ADGRB3: variants seen among roughly 807,000 people sequenced by gnomAD.
ADGRB3 encodes the protein adhesion G protein-coupled receptor B3.
Under a neutral mutation model 193.4 loss-of-function variants are expected in ADGRB3, and 37 were observed. The observed-to-expected ratio is 0.19, with a 90% CI of 0.15 to 0.25. ADGRB3 has a LOEUF of 0.25. Among genes scored for constraint, ADGRB3 ranks in the 10% least tolerant of loss-of-function variants. The pLI is 1.00. For synonymous variants in ADGRB3, 690 were observed against 644.2 expected, an observed-to-expected ratio of 1.07 and a Z score of -1.08; for missense variants, 1,637 against 1,852.9, an observed-to-expected ratio of 0.88 and a Z score of 2.14.
chr6:69,094,022 G>A (rs1772793382), intron 17 of ADGRB3, among the ~76,000 whole-genome samples: 1 of 152,188 alleles, frequency 6.6e-6, no homozygotes, highest in Non-Finnish European at 1.5e-5. Context: ...CTGCAGGCTG[G>A]AAACTGTACT....
chr6:68,842,184 A>T (rs1229761494), intron 3 of ADGRB3, among the ~76,000 whole-genome samples: 2 of 151,966 alleles, frequency 1.3e-5, no homozygotes, highest in African/African-American at 4.8e-5. Context: ...AAAAATTTAA[A>T]AATTAATTAA....
At chr6:68,647,137 T>G (rs1768234884) in intron 3 of ADGRB3, among the ~76,000 whole-genome samples, 1 of 152,196 alleles carries the variant, frequency 6.6e-6, no homozygotes, top group African/African-American at 2.4e-5. Context: ...CCTGCATACA[T>G]TAAGCATGGA....
At chr6:69,171,905 C>G (rs895647629) in intron 17 of ADGRB3, among the ~76,000 whole-genome samples, 11 of 152,142 alleles carry the variant, frequency 7.2e-5, no homozygotes, top group African/African-American at 2.7e-4. Flanking sequence ...AAAATAAGTA[C>G]CTCATTTCCC....
At chr6:69,050,750 A>G (rs896274271) in intron 15 of ADGRB3, among the ~76,000 whole-genome samples, 29 of 152,354 alleles carry the variant, frequency 1.9e-4, no homozygotes, top group African/African-American at 7.0e-4. Flanking sequence ...TCAATTAAAC[A>G]TGTTGAGAAT....
At chr6:69,193,677 A>G (rs912305591) in intron 17 of ADGRB3, among the ~76,000 whole-genome samples, 21 of 152,096 alleles carry the variant, frequency 1.4e-4, no homozygotes, top group African/African-American at 5.1e-4. Context: ...CACTAGCTGT[A>G]TGACCTTTGG....
At chr6:69,156,732 T>C (rs1169200196) in intron 17 of ADGRB3, among the ~76,000 whole-genome samples, 2 of 152,198 alleles carry the variant, frequency 1.3e-5, no homozygotes, top group Non-Finnish European at 2.9e-5. Flanking sequence ...TCCAATGTTG[T>C]TATGAAAATA....
At chr6:68,848,458 A>C (rs547675995) in intron 3 of ADGRB3, among the ~76,000 whole-genome samples, 1 of 152,174 alleles carries the variant, frequency 6.6e-6, no homozygotes, top group African/African-American at 2.4e-5. Flanking sequence ...TGAGCTTTTA[A>C]TTAACATACT....
chr6:69,238,753 T>TAC (rs1195938942), intron 19 of ADGRB3, among the ~76,000 whole-genome samples: 1 of 151,646 alleles, frequency 6.6e-6, no homozygotes, highest in Non-Finnish European at 1.5e-5. Context: ...CATACACACA[T>TAC]ACACACACAC....
At position 69,388,699 on chromosome 6, in the gene ADGRB3, A is replaced by G. The variant is rs2127245566; in HGVS notation, c.4381-4A>G. On this transcript the variant is annotated splice_polypyrimidine_tract_variant and splice_region_variant and intron_variant, in intron 31 of 31. Coordinates refer to ENST00000370598, the MANE Select transcript of ADGRB3 (RefSeq NM_001704.3). ...ATGACTCTCTTTCCCTCTCTTCTCA[A>G]CAGGAAAACCCCGCACCAAACAAGA... 1 of 1,611,154 alleles carries G rather than the reference A, an allele frequency of 6.2e-7. No homozygotes were observed. Among genetic ancestry groups the G allele is most frequent in the African/African-American group, 1.3e-5 (1 of 74,888 alleles).
intron 3 of ADGRB3, among the ~76,000 whole-genome samples, chr6:68,862,539 G>A (rs1223154018): frequency 6.6e-6 from 1 of 152,132 alleles, no homozygotes; most frequent in African/African-American, 2.4e-5. Flanking sequence ...TTACAGAGTT[G>A]GGGTCAGGGG....
intron 3 of ADGRB3, among the ~76,000 whole-genome samples, chr6:68,684,113 T>C (rs1055789939): frequency 1.3e-5 from 2 of 152,216 alleles, no homozygotes; most frequent in African/African-American, 4.8e-5. Context: ...GGTATAAATC[T>C]AGCTTGGAAT....
intron 15 of ADGRB3, among the ~76,000 whole-genome samples, chr6:69,049,555 C>T (rs1422452515): frequency 6.6e-6 from 1 of 152,012 alleles, no homozygotes; most frequent in Non-Finnish European, 1.5e-5. Flanking sequence ...CTGACTGTAG[C>T]CCTGCAAATT....
intron 20 of ADGRB3, among the ~76,000 whole-genome samples, chr6:69,246,135 G>C (rs915347622): frequency 6.6e-6 from 1 of 152,068 alleles, no homozygotes; most frequent in East Asian, 1.9e-4. Flanking sequence ...ACTAGCAAAA[G>C]TTAATCTTTT....
intron 17 of ADGRB3, among the ~76,000 whole-genome samples, chr6:69,230,983 A>G (rs1366122534): frequency 6.6e-6 from 1 of 152,216 alleles, no homozygotes; most frequent in Non-Finnish European, 1.5e-5. Flanking sequence ...TAGCCTAGAG[A>G]AAGTGTGCAT....
intron 3 of ADGRB3, among the ~76,000 whole-genome samples, chr6:68,905,449 C>A (rs777057823): frequency 4.0e-4 from 61 of 152,274 alleles, no homozygotes; most frequent in Non-Finnish European, 7.5e-4. Flanking sequence ...AAAAACACTT[C>A]CTTTATTATG....
intron 13 of ADGRB3, 94 bp downstream of exon 13, chr6:69,018,593 C>A: frequency 1.3e-6 from 1 of 787,838 alleles, no homozygotes; most frequent in South Asian, 1.9e-5. Flanking sequence ...ATTCATTATT[C>A]ATATGTTTAA....
intron 17 of ADGRB3, among the ~76,000 whole-genome samples, chr6:69,157,806 T>G (rs1025846671): frequency 6.6e-6 from 1 of 152,128 alleles, no homozygotes; most frequent in Non-Finnish European, 1.5e-5. Flanking sequence ...AACCAACTTA[T>G]GACAATAAAA....
Position 69,361,468 on chromosome 6 carries a change from T to C in ADGRB3, c.4195T>C (p.Ser1399Pro), listed in dbSNP as rs1289085632. 1 of 1,612,646 alleles carries C rather than the reference T, an allele frequency of 6.2e-7. No homozygotes were observed. The highest frequency in any genetic ancestry group is 8.5e-7 in the Non-Finnish European group (1 of 1,179,050). Residue 1399 changes from serine to proline, a missense_variant, in exon 29 of 32, where the codon TCA becomes CCA. Coordinates refer to ENST00000370598, the MANE Select transcript of ADGRB3 (RefSeq NM_001704.3). ...ASELDDNAGL[S>P]RSETGSTISM... ...TGAGTTGGATGATAATGCAGGACTA[T>C]CAAGAAGTGAAACTGGATCAACGAT...
chr6:69,388,897 T>C lies in ADGRB3; in HGVS notation c.*6T>C, dbSNP rs1197982370. The C allele has an allele frequency of 3.7e-6, 6 of 1,608,804 alleles. No homozygotes were observed. The South Asian group carries it at 5.5e-5, about 15-fold the overall frequency. ...ACTTTCAAACAGAAGTTTAAAAAAA[T>C]CAAAATGGACTAAGGTAGAGACAAA... On this transcript the variant is annotated 3_prime_UTR_variant, in exon 32 of 32. Coordinates refer to ENST00000370598, the MANE Select transcript of ADGRB3 (RefSeq NM_001704.3).
Sources: gnomAD v4.1 joint callset for allele counts (sites outside exome capture counted in the v4.1 genomes callset) on GRCh38, gnomAD v4.1.1 for gene constraint, MANE v1.5 for transcripts, NCBI Gene and HGNC (gene_info 2026-07-23, HGNC 2026-07-21) for gene names.